Variants in ST6GALNAC3 observed in about 807,000 individuals in gnomAD.
ST6GALNAC3 encodes the protein ST6 N-acetylgalactosaminide alpha-2,6-sialyltransferase 3.
A neutral mutation model predicts 32.7 loss-of-function variants in ST6GALNAC3; 25 were observed. The observed-to-expected ratio is 0.76, with a 90% CI of 0.56 to 1.07. The LOEUF (loss-of-function observed/expected upper bound fraction) is 1.07, where lower values mean the gene tolerates loss of function less well. Ranked by LOEUF, ST6GALNAC3 falls within the 50% of genes least tolerant of loss-of-function variation. The pLI is 0.00. For missense variants in ST6GALNAC3, 355 were observed against 382.4 expected, an observed-to-expected ratio of 0.93 and a Z score of 0.60; for synonymous variants, 129 against 133.1, an observed-to-expected ratio of 0.97 and a Z score of 0.21.
chr1:76,150,793 G>A (rs932004243), intron 1 of ST6GALNAC3, among the ~76,000 whole-genome samples: 1 of 152,216 alleles, frequency 6.6e-6, no homozygotes, highest in East Asian at 1.9e-4. Context: ...TTCTCCTGCT[G>A]TGATCTAATG....
intron 1 of ST6GALNAC3, among the ~76,000 whole-genome samples, chr1:76,086,362 T>C (rs988993397): frequency 6.6e-6 from 1 of 152,224 alleles, no homozygotes; most frequent in Non-Finnish European, 1.5e-5. Flanking sequence ...GACGATAGTT[T>C]TTTTTCGTGT....
At chr1:76,305,281 AAAG>A (rs1410038787) in intron 1 of ST6GALNAC3, among the ~76,000 whole-genome samples, 2 of 152,140 alleles carry the variant, frequency 1.3e-5, no homozygotes, top group East Asian at 1.9e-4. Flanking sequence ...TGTGAATTTC[AAAG>A]AAGATCACTT....
chr1:76,328,786 G>C (rs1647129855), intron 2 of ST6GALNAC3, among the ~76,000 whole-genome samples: 1 of 152,160 alleles, frequency 6.6e-6, no homozygotes. Flanking sequence ...ATAAAAATGA[G>C]GTAAAGTTTT....
At chr1:76,563,132 A>G (rs906580409) in intron 3 of ST6GALNAC3, among the ~76,000 whole-genome samples, 1 of 152,198 alleles carries the variant, frequency 6.6e-6, no homozygotes, top group Non-Finnish European at 1.5e-5. Context: ...ATATTTAACT[A>G]ACACCACTAA....
intron 1 of ST6GALNAC3, among the ~76,000 whole-genome samples, chr1:76,216,792 A>G (rs1390875573): frequency 1.3e-5 from 2 of 152,258 alleles, no homozygotes; most frequent in African/African-American, 2.4e-5. Context: ...TCAATAATGC[A>G]CAGGAAAGCT....
intron 2 of ST6GALNAC3, among the ~76,000 whole-genome samples, chr1:76,407,084 T>C (rs987760454): frequency 1.3e-5 from 2 of 151,998 alleles, no homozygotes; most frequent in African/African-American, 4.8e-5. Context: ...AATCAAGTCA[T>C]TTTTTCCTGT....
chr1:76,397,529 C>G lies in ST6GALNAC3; in HGVS notation c.214-14479C>G, dbSNP rs1305096311. ...GGATTACAGGCACGCACCACCAGGC[C>G]CAGCTAATTGTTGCATTTTTTTTTA... On this transcript the variant is annotated intron_variant, in intron 2 of 4. Coordinates refer to ENST00000328299, the MANE Select transcript of ST6GALNAC3 (RefSeq NM_152996.4). Among the ~76,000 whole-genome samples, 7 of 131,546 alleles carry G rather than the reference C, an allele frequency of 5.3e-5. No homozygotes were observed. In the South Asian group the frequency reaches 2.2e-3, roughly 41 times the overall value. The allele number at this position is 131,546 out of a possible 152,430, so 86.3% of individuals were successfully genotyped here.
chr1:76,478,436 C>T (rs1241135448), intron 3 of ST6GALNAC3, among the ~76,000 whole-genome samples: 2 of 152,162 alleles, frequency 1.3e-5, no homozygotes, highest in Non-Finnish European at 2.9e-5. Flanking sequence ...TTTCTGTTGA[C>T]TCCCAGATTG....
chr1:76,364,453 T>C (rs138402049), intron 2 of ST6GALNAC3, among the ~76,000 whole-genome samples: 1 of 152,184 alleles, frequency 6.6e-6, no homozygotes. Context: ...CTCGAGAGGC[T>C]GAGGTAGAAG....
intron 1 of ST6GALNAC3, among the ~76,000 whole-genome samples, chr1:76,266,927 A>C (rs1557738877): frequency 6.6e-6 from 1 of 152,176 alleles, no homozygotes; most frequent in Admixed American, 6.5e-5. Flanking sequence ...TTTGGGTTAT[A>C]TCCAGTAAAA....
At chr1:76,242,215 A>AT (rs1015203243) in intron 1 of ST6GALNAC3, among the ~76,000 whole-genome samples, 5 of 151,732 alleles carry the variant, frequency 3.3e-5, no homozygotes, top group Admixed American at 6.6e-5. Context: ...TTTTAAATTC[A>AT]TTTTTTTTAA....
intron 3 of ST6GALNAC3, among the ~76,000 whole-genome samples, chr1:76,525,564 C>A (rs989819212): frequency 3.3e-5 from 5 of 151,456 alleles, no homozygotes; most frequent in African/African-American, 9.7e-5. Flanking sequence ...AGAATTTCAA[C>A]CCTCGGGAGA....
chr1:76,577,526 C>G (rs899386479), intron 3 of ST6GALNAC3, among the ~76,000 whole-genome samples: 1 of 151,764 alleles, frequency 6.6e-6, no homozygotes, highest in African/African-American at 2.4e-5. Context: ...TCTTATAGAC[C>G]TTGAAAACTG....
chr1:76,211,328 A>G lies in ST6GALNAC3; in HGVS notation c.19-102477A>G, dbSNP rs543363497. ...TGTGGAGAAATAGGAATACTTTTAC[A>G]CTGTTGGTGGGACTGTAAACTAGTT... On this transcript the variant is annotated intron_variant, in intron 1 of 4. Transcript: ENST00000328299. 2.0e-3 allele frequency among the ~76,000 whole-genome samples: 308 copies of G among 152,246 alleles called. 3 individuals are homozygous for G. Among genetic ancestry groups the G allele is most frequent in the African/African-American group, 7.1e-3 (296 of 41,554 alleles).
chr1:76,372,246 G>A (rs914435919), intron 2 of ST6GALNAC3, among the ~76,000 whole-genome samples: 3 of 152,088 alleles, frequency 2.0e-5, no homozygotes, highest in African/African-American at 7.2e-5. Flanking sequence ...GAAACTGGGT[G>A]TGTAGTCCTT....
chr1:76,102,245 G>GTGTGTGA (rs1046407108), intron 1 of ST6GALNAC3, among the ~76,000 whole-genome samples: 2 of 151,598 alleles, frequency 1.3e-5, no homozygotes, highest in African/African-American at 4.8e-5. Context: ...TTGTGTGTGT[G>GTGTGTGA]TGTGTGTGTG....
At chr1:76,183,140 T>A (rs918252900) in intron 1 of ST6GALNAC3, among the ~76,000 whole-genome samples, 3 of 152,186 alleles carry the variant, frequency 2.0e-5, no homozygotes, top group African/African-American at 7.2e-5. Context: ...CTGTAAATCT[T>A]GTGGTCACGT....
chr1:76,193,490 A>G (rs779644235), intron 1 of ST6GALNAC3, among the ~76,000 whole-genome samples: 10 of 152,256 alleles, frequency 6.6e-5, no homozygotes, highest in Admixed American at 2.6e-4. Flanking sequence ...TATTTATTTG[A>G]ATAAATATTG....
chr1:76,511,380 A>G (rs1162325761), intron 3 of ST6GALNAC3, among the ~76,000 whole-genome samples: 1 of 152,098 alleles, frequency 6.6e-6, no homozygotes, highest in Non-Finnish European at 1.5e-5. Flanking sequence ...CCTGGCAGGC[A>G]GCTGTGCTGT....
Sources: gnomAD v4.1 joint callset for allele counts (sites outside exome capture counted in the v4.1 genomes callset) on GRCh38, gnomAD v4.1.1 for gene constraint, MANE v1.5 for transcripts, NCBI Gene and HGNC (gene_info 2026-07-23, HGNC 2026-07-21) for gene names.